The following SYNE1 variants were observed in gnomAD, a reference collection of about 807,000 sequenced individuals.
The protein encoded by SYNE1 is spectrin repeat containing nuclear envelope protein 1.
Under a neutral mutation model 1,111.0 loss-of-function variants are expected in SYNE1, and 616 were observed. The observed-to-expected ratio is 0.55, with a 90% CI of 0.52 to 0.59. The LOEUF is 0.59. Ranked by LOEUF, SYNE1 falls within the 20% of genes least tolerant of loss-of-function variation. The probability of loss-of-function intolerance (pLI) is 0.00; values close to 1 mark genes in which losing one functional copy is unlikely to be tolerated. For missense variants in SYNE1, 10,006 were observed against 10,417.0 expected (o/e 0.96, Z 1.72); for synonymous variants, 3,855 against 3,825.8 (o/e 1.01, Z -0.28).
intron 58 of SYNE1, chr6:152,376,169 T>G: frequency 3.6e-6 from 2 of 557,720 alleles, no homozygotes; most frequent in Admixed American, 6.1e-5. Context: ...CAGGCTCCTA[T>G]GAGAATCTGA....
At chr6:152,445,345 T>G (rs1192933711) in intron 29 of SYNE1, among the ~76,000 whole-genome samples, 1 of 152,134 alleles carries the variant, frequency 6.6e-6, no homozygotes, top group African/African-American at 2.4e-5. Flanking sequence ...TTTACAATTT[T>G]GTAGTCATCT....
At chr6:152,469,343 A>G (rs1269333161) in intron 16 of SYNE1, among the ~76,000 whole-genome samples, 3 of 152,060 alleles carry the variant, frequency 2.0e-5, no homozygotes, top group Admixed American at 1.3e-4. Flanking sequence ...CATCATCATT[A>G]TCATTATTAA....
chr6:152,251,939 C>A (rs1463003505), intron 104 of SYNE1, among the ~76,000 whole-genome samples: 1 of 151,904 alleles, frequency 6.6e-6, no homozygotes, highest in Non-Finnish European at 1.5e-5. Flanking sequence ...AGGATTCTAG[C>A]CATTGAGAAA....
At position 152,387,329 on chromosome 6, in the gene SYNE1, G is replaced by T. The variant is rs145195048; in HGVS notation, c.8230C>A (p.Gln2744Lys). 3.9e-4 allele frequency: 626 copies of T among 1,614,130 alleles called. 2 individuals carry two copies. The African/African-American group carries it at 7.3e-3, about 19-fold the overall frequency. The change falls in exon 54 of 146, where the codon CAG becomes AAG. Residue 2744 changes from glutamine to lysine, a missense_variant. Transcript: ENST00000367255. ...ACTGATTCCATCCACTGCTCCAACT[G>T]GTTTTTCCTCTCTACATAGTCATTC... Reference protein sequence around the residue: ...QWNDYVERKNQLEQWMESVDQ... With the variant: ...QWNDYVERKNKLEQWMESVDQ...
At chr6:152,455,321 T>C (rs2098688150) in intron 24 of SYNE1, 105 bp downstream of exon 24, 3 of 1,293,458 alleles carry the variant, frequency 2.3e-6, no homozygotes, top group Non-Finnish European at 2.1e-6. Context: ...CTGACTCATC[T>C]GCCCGCTCTC....
chr6:152,599,042 C>T (rs567810255), intron 3 of SYNE1, among the ~76,000 whole-genome samples: 2 of 152,272 alleles, frequency 1.3e-5, no homozygotes, highest in African/African-American at 4.8e-5. Flanking sequence ...TTAATTTTCA[C>T]CCTTCTCGTG....
At chr6:152,487,805 G>T in intron 12 of SYNE1, among the ~76,000 whole-genome samples, 1 of 152,172 alleles carries the variant, frequency 6.6e-6, no homozygotes, top group East Asian at 1.9e-4. Context: ...GCCGGGCATG[G>T]TGGCTCACGC....
In SYNE1 at chr6:152,607,028, A is replaced by G. The variant is rs549335999; in HGVS notation, c.67+21237T>C. ...GAGACGGCGTCTTGCTCTGTCACCGAGGCTGGAGTGCAGTGGTGCAATCTC... is the reference window on the plus strand; with the variant it reads ...GAGACGGCGTCTTGCTCTGTCACCGGGGCTGGAGTGCAGTGGTGCAATCTC... On this transcript the variant is annotated intron_variant, in intron 3 of 145. Transcript: ENST00000367255. Among the ~76,000 whole-genome samples the G allele has an allele frequency of 2.2e-4, 27 of 120,922 alleles. No individual in the cohort carries two copies. In the South Asian group the frequency reaches 6.8e-3, roughly 30 times the overall value. The allele number at this position is 120,922 out of a possible 152,430, so 79.3% of individuals were successfully genotyped here.
At chr6:152,463,220 A>C (rs574043616) in intron 19 of SYNE1, 133 bp downstream of exon 19, 6 of 1,258,320 alleles carry the variant, frequency 4.8e-6, no homozygotes, top group Middle Eastern at 3.9e-4. Context: ...ACCATAAAAC[A>C]CACCGGTTTT....
intron 2 of SYNE1, among the ~76,000 whole-genome samples, chr6:152,635,881 C>G (rs560369279): frequency 1.3e-5 from 2 of 152,272 alleles, no homozygotes; most frequent in East Asian, 3.9e-4. Context: ...GGCAGAACTT[C>G]CAGCATCCAA....
chr6:152,521,485 GC>G (rs1594595070), intron 5 of SYNE1, among the ~76,000 whole-genome samples: 1 of 152,106 alleles, frequency 6.6e-6, no homozygotes, highest in East Asian at 1.9e-4. Context: ...AAATAATCCT[GC>G]TAATCTGTAT....
chr6:152,508,873 T>G (rs2099071116), intron 8 of SYNE1, among the ~76,000 whole-genome samples: 2 of 152,240 alleles, frequency 1.3e-5, no homozygotes. Flanking sequence ...CTTTAAAAGT[T>G]AAACAAAACA....
intron 14 of SYNE1, 95 bp from the exon 15 acceptor site, chr6:152,472,508 A>G: frequency 1.7e-6 from 2 of 1,144,146 alleles, no homozygotes; most frequent in Admixed American, 1.9e-5. Context: ...GAGTCAATGT[A>G]TTCAACAATT....
chr6:152,433,865 T>G lies in SYNE1; in HGVS notation c.4391A>C (p.Glu1464Ala). ...CAAGGCATTGAGTTCTTTTTCTTTC[T>G]CAGTTATCCAGACGGACAGAGTCTC... is the stretch of plus-strand genomic sequence containing the variant. Reference protein sequence around the residue: ...NFETLSVWITEKEKELNALET... With the variant: ...NFETLSVWITAKEKELNALET... Residue 1464 changes from glutamate to alanine, a missense_variant, in exon 34 of 146, where the codon GAG becomes GCG. Coordinates refer to ENST00000367255, the MANE Select transcript of SYNE1 (RefSeq NM_182961.4). The G allele has an allele frequency of 6.2e-7, 1 of 1,613,940 alleles. No individual in the cohort carries two copies. The highest frequency in any genetic ancestry group is 1.7e-4 in the Middle Eastern group (1 of 6,060).
chr6:152,368,111 G>C (rs1225386275), intron 61 of SYNE1: 1 of 153,172 alleles, frequency 6.5e-6, no homozygotes, highest in Non-Finnish European at 1.5e-5. Flanking sequence ...CTGCTTCAGT[G>C]ATGTGTATTG....
intron 14 of SYNE1, among the ~76,000 whole-genome samples, chr6:152,480,164 T>C (rs2098878055): frequency 6.6e-6 from 1 of 152,196 alleles, no homozygotes; most frequent in Admixed American, 6.5e-5. Flanking sequence ...ACAGAGGTGT[T>C]ACATCAAATC....
At chr6:152,369,754 G>C (rs2097145810) in intron 59 of SYNE1, 140 bp from the exon 60 acceptor site, 1 of 970,164 alleles carries the variant, frequency 1.0e-6, no homozygotes, top group African/African-American at 1.6e-5. Flanking sequence ...TGGCCGAGGT[G>C]AGCAGATAGC....
Position 152,236,133 on chromosome 6 carries a change from C to T in SYNE1, c.20370G>A (p.Leu6790=), listed in dbSNP as rs753634731. 1 of 1,614,148 alleles carries T rather than the reference C, an allele frequency of 6.2e-7. No individual in the cohort carries two copies. Among genetic ancestry groups the T allele is most frequent in the East Asian group, 2.2e-5 (1 of 44,870 alleles). Residue 6790 remains leucine (L), a synonymous_variant, in exon 110 of 146, where the codon CTG becomes CTA. Coordinates refer to ENST00000367255, the MANE Select transcript of SYNE1 (RefSeq NM_182961.4). Reference sequence around the variant, plus strand: ...TGGTCCAGTGTTTCAATATTGTTTCCAGTCTGTGAAGTTCCTTAGACATTT... The same window carrying T: ...TGGTCCAGTGTTTCAATATTGTTTCTAGTCTGTGAAGTTCCTTAGACATTT... ...TNKMSKELHR[L]ETILKHWTRY... is the part of the protein sequence containing the mutation.
At chr6:152,232,292 C>A in intron 112 of SYNE1, 27 bp from the exon 113 acceptor site, 3 of 1,613,354 alleles carry the variant, frequency 1.9e-6, no homozygotes, top group Middle Eastern at 1.7e-4. Flanking sequence ...GAGAACCAGT[C>A]CCAAGTGTTA....
Sources: allele counts gnomAD v4.1 joint callset (sites outside exome capture counted in the v4.1 genomes callset), GRCh38; gene constraint gnomAD v4.1.1; transcripts MANE v1.5; gene names NCBI Gene and HGNC (gene_info 2026-07-23, HGNC 2026-07-21).